The following ZGRF1 variants were observed in gnomAD, a reference collection of about 807,000 sequenced individuals.
ZGRF1 encodes the protein 5'-3' DNA helicase ZGRF1.
ZGRF1 carries 196 observed loss-of-function variants against 203.5 expected under a neutral mutation model. The ratio of observed to expected loss-of-function variants is 0.96; its 90% CI spans 0.86 to 1.08. The LOEUF (loss-of-function observed/expected upper bound fraction) is 1.08. ZGRF1 is among the 50% of genes least tolerant of loss of function. The probability of loss-of-function intolerance (pLI) is 0.00; values close to 1 mark genes in which losing one functional copy is unlikely to be tolerated. For synonymous variants in ZGRF1, 809 were observed against 841.3 expected, an observed-to-expected ratio of 0.96 and a Z score of 0.66; for missense variants, 2,326 against 2,416.3, an observed-to-expected ratio of 0.96 and a Z score of 0.78.
At chr4:112,550,157 A>C (rs1219730827) in intron 22 of ZGRF1, among the ~76,000 whole-genome samples, 1 of 151,952 alleles carries the variant, frequency 6.6e-6, no homozygotes, top group Non-Finnish European at 1.5e-5. Flanking sequence ...GCGCCACTGC[A>C]CTCCAGCCTG....
At chr4:112,585,082 T>C (rs1746937195) in intron 14 of ZGRF1, among the ~76,000 whole-genome samples, 1 of 152,120 alleles carries the variant, frequency 6.6e-6, no homozygotes, top group South Asian at 2.1e-4. Context: ...CTTGAGCATA[T>C]TCCTCCTATT....
At chr4:112,612,700 C>T (rs966009349) in intron 6 of ZGRF1, 112 bp from the exon 7 acceptor site, 20 of 626,748 alleles carry the variant, frequency 3.2e-5, no homozygotes, top group Non-Finnish European at 1.4e-5. Context: ...TAAGATCAGA[C>T]AATCTTGGTA....
Position 112,575,464 on chromosome 4 carries a change from G to A in ZGRF1, c.4438+6199C>T, listed in dbSNP as rs540858851. On this transcript the variant is annotated intron_variant, in intron 16 of 27. Transcript: ENST00000505019. Reference sequence around the variant, plus strand: ...GGGTGCAGTGCACCGAGCATGAGCCGAAGCAGGGTGAGGCATCGCCTCACC... The same window carrying A: ...GGGTGCAGTGCACCGAGCATGAGCCAAAGCAGGGTGAGGCATCGCCTCACC... Among the ~76,000 whole-genome samples, 685 of 152,262 alleles carry A rather than the reference G, an allele frequency of 4.5e-3. 7 individuals carry two copies. The highest frequency in any genetic ancestry group is 0.02 in the Middle Eastern group (6 of 294).
intron 10 of ZGRF1, among the ~76,000 whole-genome samples, chr4:112,590,330 T>C (rs1747939204): frequency 6.6e-6 from 1 of 152,216 alleles, no homozygotes; most frequent in African/African-American, 2.4e-5. Context: ...ACTTGTTAAA[T>C]ACATGCCAGC....
intron 24 of ZGRF1, among the ~76,000 whole-genome samples, chr4:112,542,815 T>TTTTCTTTC (rs756056873): frequency 1.3e-5 from 2 of 151,780 alleles, no homozygotes; most frequent in East Asian, 1.9e-4. Context: ...TTTCTTTTCT[T>TTTTCTTTC]TTTCTTTCTT....
chr4:112,564,536 CTAGTAAT>C (rs2148907662), intron 16 of ZGRF1, among the ~76,000 whole-genome samples: 1 of 152,054 alleles, frequency 6.6e-6, no homozygotes, highest in East Asian at 1.9e-4. Context: ...CTGAATATAT[CTAGTAAT>C]TATTTAATCA....
At chr4:112,540,192 A>C (rs2148798688) in intron 26 of ZGRF1, 68 bp from the exon 27 acceptor site, 12 of 1,146,016 alleles carry the variant, frequency 1.0e-5, no homozygotes, top group African/African-American at 1.6e-5. Flanking sequence ...GAACCTGCTC[A>C]AAGCAACCAC....
chr4:112,565,323 T>G, intron 16 of ZGRF1: 1 of 1,413,116 alleles, frequency 7.1e-7, no homozygotes, highest in Non-Finnish European at 9.9e-7. Context: ...ACCTGTGTGC[T>G]ATCCATGCCA....
chr4:112,628,354 A>T (rs2149201612), intron 3 of ZGRF1, among the ~76,000 whole-genome samples: 1 of 152,296 alleles, frequency 6.6e-6, no homozygotes, highest in African/African-American at 2.4e-5. Context: ...AAAATTATAC[A>T]TCTAATAAGA....
chr4:112,568,993 C>T (rs1423497398), intron 16 of ZGRF1, among the ~76,000 whole-genome samples: 2 of 151,624 alleles, frequency 1.3e-5, no homozygotes, highest in Non-Finnish European at 2.9e-5. Context: ...TCCAGCCTGG[C>T]GACAGAGCAA....
intron 15 of ZGRF1, 99 bp from the exon 16 acceptor site, chr4:112,581,901 T>G (rs1208316574): frequency 1.9e-6 from 1 of 537,092 alleles, no homozygotes; most frequent in African/African-American, 2.0e-5. Context: ...GGGTTTCATA[T>G]GTTTACCTAG....
intron 10 of ZGRF1, among the ~76,000 whole-genome samples, chr4:112,602,128 A>T (rs1433581510): frequency 1.3e-5 from 2 of 152,050 alleles, no homozygotes; most frequent in Non-Finnish European, 2.9e-5. Context: ...GCTTGAACCC[A>T]GGAGGCAGAG....
Position 112,563,205 on chromosome 4 carries a change from A to G in ZGRF1, c.4508T>C (p.Phe1503Ser). The G allele has an allele frequency of 6.4e-7, 1 of 1,551,240 alleles. No individual in the cohort carries two copies. The highest frequency in any genetic ancestry group is 2.4e-5 in the East Asian group (1 of 40,844). The change falls in exon 17 of 28, where the codon TTT (phenylalanine) becomes TCT (serine). Residue 1503 changes from phenylalanine (F) to serine (S), a missense_variant. Physicochemically the swap from Phe to Ser is radical, Grantham distance 155. Transcript: ENST00000505019. ...LDTFIACSAF[F>S]GPSSINEIEI... is the part of the protein sequence containing the mutation. Reference sequence around the variant, plus strand: ...TATCTCATTGATAGATGATGGTCCAAAGAAAGCACTACATGCGATAAAAGT... The same window carrying G: ...TATCTCATTGATAGATGATGGTCCAGAGAAAGCACTACATGCGATAAAAGT...
Position 112,541,240 on chromosome 4 carries a change from TGAG to T in ZGRF1, c.5624_5626del (p.Thr1875_Gln1876delinsLys). On this transcript the variant is annotated inframe_deletion, in exon 25 of 28. Coordinates refer to ENST00000505019, the MANE Select transcript of ZGRF1 (RefSeq NM_018392.5). ...ACTGATTGCAGGATGACAACGGTAT[TGAG>T]TTCTCAATAGAATTGGCTTGTGACC... is the stretch of plus-strand genomic sequence containing the variant. The T allele has an allele frequency of 6.3e-7, 1 of 1,598,940 alleles. No homozygotes were observed. The highest frequency in any genetic ancestry group is 1.3e-5 in the African/African-American group (1 of 74,804).
At position 112,619,202 on chromosome 4, in the gene ZGRF1, T is replaced by C; in HGVS notation, c.840A>G (p.Gln280=). Residue 280 remains glutamine (Q), a synonymous_variant, in exon 6 of 28, where the codon CAA becomes CAG. Transcript: ENST00000505019. ...TTTTTAAACTTCCTTGTGGTTGTTTTTGAGGAAAATGCTCTGTCATCTCAG... is the reference window on the plus strand; with the variant it reads ...TTTTTAAACTTCCTTGTGGTTGTTTCTGAGGAAAATGCTCTGTCATCTCAG... ...LNSEMTEHFP[Q]KQPQGSLKIA... is the part of the protein sequence containing the mutation. The C allele has an allele frequency of 6.2e-7, 1 of 1,613,400 alleles. No individual in the cohort carries two copies. The highest frequency in any genetic ancestry group is 8.5e-7 in the Non-Finnish European group (1 of 1,179,976).
chr4:112,626,385 AG>A (rs993279180), intron 3 of ZGRF1, among the ~76,000 whole-genome samples: 1 of 152,204 alleles, frequency 6.6e-6, no homozygotes, highest in African/African-American at 2.4e-5. Context: ...ATGTCTCTAC[AG>A]CTCCTAAGAA....
rs1020053642 is a variant in ZGRF1 at position 112,540,786 on chromosome 4, A to T, written c.5910+35T>A. On this transcript the variant is annotated intron_variant, in intron 26 of 27. Transcript: ENST00000505019. ...ATGGTAATATGTAATTGTAATATTT[A>T]ATATATGGCAAATACTGTAATACAT... The T allele has an allele frequency of 8.7e-6, 13 of 1,489,082 alleles. No homozygotes were observed. In the Admixed American group the frequency reaches 2.6e-4, roughly 29 times the overall value. 92.2% of individuals were successfully genotyped at this position (1,489,082 alleles called of 1,614,324 possible).
intron 16 of ZGRF1, among the ~76,000 whole-genome samples, chr4:112,566,389 TA>T (rs899543662): frequency 6.0e-5 from 9 of 150,598 alleles, no homozygotes; most frequent in Non-Finnish European, 1.2e-4. Context: ...TACCTAATGC[TA>T]AATGATGAGT....
At chr4:112,590,538 T>C (rs572037585) in intron 10 of ZGRF1, among the ~76,000 whole-genome samples, 101 of 152,122 alleles carry the variant, frequency 6.6e-4, no homozygotes, top group African/African-American at 2.2e-3. Context: ...GGGAGTGGAA[T>C]TGGGGGAAAA....
Sources: allele counts gnomAD v4.1 joint callset (sites outside exome capture counted in the v4.1 genomes callset), GRCh38; gene constraint gnomAD v4.1.1; transcripts MANE v1.5; gene names NCBI Gene and HGNC (gene_info 2026-07-23, HGNC 2026-07-21).